The following EXOC2 variants were observed in gnomAD, a reference collection of about 807,000 sequenced individuals.
The protein encoded by EXOC2 is exocyst complex component 2, also known as SEC5-like 1.
Under a neutral mutation model 131.8 loss-of-function variants are expected in EXOC2, and 70 were observed. The observed-to-expected ratio is 0.53, with a 90% CI of 0.44 to 0.65. EXOC2 has a LOEUF of 0.65. Ranked by LOEUF, EXOC2 falls within the 30% of genes least tolerant of loss-of-function variation. The pLI is 0.00. For missense variants in EXOC2, 923 were observed against 1,108.6 expected, an observed-to-expected ratio of 0.83 and a Z score of 2.38; for synonymous variants, 411 against 398.4, an observed-to-expected ratio of 1.03 and a Z score of -0.38.
intron 22 of EXOC2, 141 bp downstream of exon 22, chr6:549,034 G>A: frequency 2.9e-6 from 2 of 701,202 alleles, no homozygotes; most frequent in South Asian, 3.3e-5. Flanking sequence ...GCTTTAGCAG[G>A]GTGAAGGCGG....
intron 11 of EXOC2, among the ~76,000 whole-genome samples, chr6:590,773 C>T (rs1242359850): frequency 1.3e-5 from 2 of 152,186 alleles, no homozygotes. Context: ...TAAAACATCA[C>T]TTGTCAGGAC....
chr6:486,963 G>T (rs948651039), intron 27 of EXOC2, among the ~76,000 whole-genome samples, 199 bp from the exon 28 acceptor site: 1 of 152,128 alleles, frequency 6.6e-6, no homozygotes, highest in African/African-American at 2.4e-5. Context: ...TACTGATAAC[G>T]TATTTATGTT....
intron 25 of EXOC2, among the ~76,000 whole-genome samples, chr6:492,852 CA>C (rs1763517273): frequency 6.6e-6 from 1 of 152,024 alleles, no homozygotes; most frequent in Non-Finnish European, 1.5e-5. Flanking sequence ...TTGAATATAC[CA>C]AAAATCATTG....
intron 23 of EXOC2, 137 bp from the exon 24 acceptor site, chr6:499,837 G>C: frequency 1.6e-6 from 1 of 642,330 alleles, no homozygotes; most frequent in Non-Finnish European, 2.8e-6. Flanking sequence ...TTCCTTTTGA[G>C]AATCAAATGG....
chr6:598,589 T>C lies in EXOC2; in HGVS notation c.970+271A>G, dbSNP rs560521047. Among the ~76,000 whole-genome samples the C allele has an allele frequency of 3.7e-4, 57 of 152,310 alleles. 1 individual carries two copies. The highest frequency in any genetic ancestry group is 1.3e-3 in the African/African-American group (54 of 41,566). ...CTAGAAAATACTTGTCATTGATTCC[T>C]TCCAGTAAACTAAGACTTTCTAACA... On this transcript the variant is annotated intron_variant, in intron 9 of 27. Coordinates refer to ENST00000230449, the MANE Select transcript of EXOC2 (RefSeq NM_018303.6).
At chr6:518,814 T>C (rs1359638689) in intron 23 of EXOC2, among the ~76,000 whole-genome samples, 1 of 152,170 alleles carries the variant, frequency 6.6e-6, no homozygotes, top group Non-Finnish European at 1.5e-5. Context: ...CCTTTTTGCT[T>C]TAAAGAGATT....
At chr6:580,288 C>T (rs753704320) in intron 11 of EXOC2, among the ~76,000 whole-genome samples, 4 of 152,174 alleles carry the variant, frequency 2.6e-5, no homozygotes, top group Non-Finnish European at 5.9e-5. Flanking sequence ...GATCTGCCTG[C>T]GTCAGCCTCC....
At chr6:608,444 T>C (rs1302407162) in intron 7 of EXOC2, among the ~76,000 whole-genome samples, 1 of 152,216 alleles carries the variant, frequency 6.6e-6, no homozygotes, top group Non-Finnish European at 1.5e-5. Context: ...GAAATTTTAA[T>C]AGCAAAAAGT....
chr6:544,932 G>C (rs961844991), intron 22 of EXOC2, among the ~76,000 whole-genome samples: 2 of 151,878 alleles, frequency 1.3e-5, no homozygotes, highest in Non-Finnish European at 1.5e-5. Flanking sequence ...TGGATCATGA[G>C]GTCAGGAGAT....
chr6:593,255 G>T (rs1759640584), intron 10 of EXOC2, among the ~76,000 whole-genome samples: 1 of 152,020 alleles, frequency 6.6e-6, no homozygotes, highest in Non-Finnish European at 1.5e-5. Flanking sequence ...GTGGGAGCCA[G>T]CAGATACTGG....
intron 7 of EXOC2, among the ~76,000 whole-genome samples, chr6:606,965 C>A (rs1417393498): frequency 6.6e-6 from 1 of 152,180 alleles, no homozygotes; most frequent in African/African-American, 2.4e-5. Flanking sequence ...AAGGAGGTAG[C>A]ACAACTGCAC....
chr6:552,331 C>T (rs80113123), intron 21 of EXOC2, among the ~76,000 whole-genome samples: 2,531 of 152,310 alleles, frequency 0.017, 45 homozygotes, highest in African/African-American at 0.042. Flanking sequence ...CACTGATGAC[C>T]CTGCATTTCA....
intron 1 of EXOC2, among the ~76,000 whole-genome samples, chr6:691,416 CCCT>C (rs1324838394): frequency 3.3e-5 from 5 of 152,186 alleles, no homozygotes; most frequent in Admixed American, 2.0e-4. Context: ...CTGAGAAAAT[CCCT>C]CCTCTTCTTC....
chr6:610,252 T>A, intron 6 of EXOC2, 74 bp from the exon 7 acceptor site: 2 of 1,268,486 alleles, frequency 1.6e-6, no homozygotes, highest in Non-Finnish European at 1.1e-6. Context: ...ATGATATTTT[T>A]AAACAGCTTT....
At chr6:593,114 A>G (rs1325531998) in intron 10 of EXOC2, among the ~76,000 whole-genome samples, 2 of 152,216 alleles carry the variant, frequency 1.3e-5, no homozygotes, top group Admixed American at 1.3e-4. Flanking sequence ...AAACTATTAA[A>G]AACAGCTCTT....
In EXOC2 at chr6:523,937, G is replaced by C. The variant is rs540633203; in HGVS notation, c.2380+8532C>G. On this transcript the variant is annotated intron_variant, in intron 23 of 27. Coordinates refer to ENST00000230449, the MANE Select transcript of EXOC2 (RefSeq NM_018303.6). Reference sequence around the variant, plus strand: ...TGTTATTATTTGAAGGTGATGTTTGGGGTAGTATGAAGGTGTGGGTGGGGT... The same window carrying C: ...TGTTATTATTTGAAGGTGATGTTTGCGGTAGTATGAAGGTGTGGGTGGGGT... 4.6e-5 allele frequency among the ~76,000 whole-genome samples: 7 copies of C among 152,274 alleles called. No homozygotes were observed. The East Asian group carries it at 1.4e-3, about 29-fold the overall frequency.
chr6:499,008 A>AT (rs1473402176), intron 24 of EXOC2, among the ~76,000 whole-genome samples: 6 of 152,202 alleles, frequency 3.9e-5, no homozygotes, highest in Admixed American at 6.5e-5. Flanking sequence ...TCTTCTTTCA[A>AT]TGTTCCTCAG....
chr6:677,767 T>C (rs971963452), intron 1 of EXOC2, among the ~76,000 whole-genome samples: 1 of 152,152 alleles, frequency 6.6e-6, no homozygotes, highest in Non-Finnish European at 1.5e-5. Context: ...GCGCCCAGCC[T>C]TATCCAAGTA....
At chr6:656,986 C>G in intron 1 of EXOC2, 1 of 1,462,434 alleles carries the variant, frequency 6.8e-7, no homozygotes, top group Non-Finnish European at 9.2e-7. Flanking sequence ...GAGGGGGATT[C>G]CGCGTGCCAC....
Sources: allele counts gnomAD v4.1 joint callset (sites outside exome capture counted in the v4.1 genomes callset), GRCh38; gene constraint gnomAD v4.1.1; transcripts MANE v1.5; gene names NCBI Gene and HGNC (gene_info 2026-07-23, HGNC 2026-07-21).